Variants in PDE6C observed in about 807,000 individuals in gnomAD.
PDE6C encodes cone cGMP-specific 3',5'-cyclic phosphodiesterase subunit alpha'.
A neutral mutation model predicts 113.1 loss-of-function variants in PDE6C; 75 were observed. The observed-to-expected ratio is 0.66, with a 90% confidence interval of 0.55 to 0.80. PDE6C has a LOEUF of 0.80. PDE6C is among the 30% of genes least tolerant of loss of function. The pLI is 0.00. For synonymous variants in PDE6C, 375 were observed against 363.7 expected, an observed-to-expected ratio of 1.03 and a Z score of -0.35; for missense variants, 912 against 1,038.6, an observed-to-expected ratio of 0.88 and a Z score of 1.67.
intron 4 of PDE6C, among the ~76,000 whole-genome samples, chr10:93,623,605 G>A (rs1270812937): frequency 6.6e-6 from 1 of 152,112 alleles, no homozygotes; most frequent in Non-Finnish European, 1.5e-5. Flanking sequence ...TTACATTTAG[G>A]TGTATAATCC....
chr10:93,640,229 T>G lies in PDE6C; in HGVS notation c.1629+13T>G, dbSNP rs755360917. 11 of 1,609,010 alleles carry G rather than the reference T, an allele frequency of 6.8e-6. No individual in the cohort carries two copies. The highest frequency in any genetic ancestry group is 8.5e-6 in the Non-Finnish European group (10 of 1,175,334). ...AGTACCTGTAGAGGTCAGAGGGTAT[T>G]TAATTTAAAATACTGTGTGATTCTG... On this transcript the variant is annotated intron_variant, in intron 12 of 21. Coordinates refer to ENST00000371447, the MANE Select transcript of PDE6C (RefSeq NM_006204.4).
chr10:93,665,538 C>A lies in PDE6C; in HGVS notation c.*120C>A. On this transcript the variant is annotated 3_prime_UTR_variant, in exon 22 of 22. Transcript: ENST00000371447. ...GATCTTCAGAAAAACTACCCTGTGA[C>A]TATGAAGAAAATATATATTGCTAGC... 1.3e-6 allele frequency: 1 copy of A among 742,192 alleles called. No individual in the cohort carries two copies. The highest frequency in any genetic ancestry group is 2.4e-6 in the Non-Finnish European group (1 of 423,820). The allele number at this position is 742,192 out of a possible 1,614,324, so 46.0% of individuals were successfully genotyped here.
Position 93,641,030 on chromosome 10 carries a change from G to C in PDE6C, c.1847+1G>C. ...GCACCAATAATTTGTACCAGATGAAGTAAGTGAACACATGTCCAATGTTGA... is the reference window on the plus strand; with the variant it reads ...GCACCAATAATTTGTACCAGATGAACTAAGTGAACACATGTCCAATGTTGA... On this transcript the variant is annotated splice_donor_variant, in intron 14 of 21. Transcript: ENST00000371447. LOFTEE classifies it high-confidence loss of function. The C allele has an allele frequency of 6.5e-7, 1 of 1,542,848 alleles. No individual in the cohort carries two copies. The highest frequency in any genetic ancestry group is 9.0e-7 in the Non-Finnish European group (1 of 1,115,134).
chr10:93,643,707 T>A lies in PDE6C; in HGVS notation c.1848-2253T>A, dbSNP rs545241882. On this transcript the variant is annotated intron_variant, in intron 14 of 21. Transcript: ENST00000371447. ...TATGTGGCCAACTAATTCTTTTTTT[T>A]TTTTTTCACTAAATCATTTGTGAGT... 3.2e-3 allele frequency among the ~76,000 whole-genome samples: 479 copies of A among 152,040 alleles called. 3 individuals carry two copies. The highest frequency in any genetic ancestry group is 0.01 in the African/African-American group (434 of 41,444).
chr10:93,627,941 C>G (rs1335880433), intron 7 of PDE6C, among the ~76,000 whole-genome samples: 1 of 152,124 alleles, frequency 6.6e-6, no homozygotes, highest in Non-Finnish European at 1.5e-5. Context: ...TACCTTGGGG[C>G]CGAGAGGCAG....
chr10:93,661,877 G>T (rs1221076685), intron 18 of PDE6C, among the ~76,000 whole-genome samples, 182 bp from the exon 19 acceptor site: 1 of 152,166 alleles, frequency 6.6e-6, no homozygotes, highest in Non-Finnish European at 1.5e-5. Context: ...GGAAGAAAAA[G>T]CTCCCCTTTC....
chr10:93,636,080 T>G (rs533033601), intron 10 of PDE6C, among the ~76,000 whole-genome samples: 136 of 152,280 alleles, frequency 8.9e-4, no homozygotes, highest in African/African-American at 3.2e-3. Context: ...TTTGGTTTGC[T>G]CTATGTGTCT....
intron 1 of PDE6C, among the ~76,000 whole-genome samples, chr10:93,616,176 G>A (rs955732210): frequency 3.3e-5 from 5 of 152,180 alleles, no homozygotes; most frequent in African/African-American, 1.2e-4. Context: ...AAGTTAGGTA[G>A]ACAGGAAGTG....
At chr10:93,615,385 A>G (rs1414616438) in intron 1 of PDE6C, among the ~76,000 whole-genome samples, 7 of 152,108 alleles carry the variant, frequency 4.6e-5, no homozygotes, top group South Asian at 2.1e-4. Flanking sequence ...TTTTTATTTT[A>G]TTATTTATTT....
chr10:93,625,523 G>T, intron 4 of PDE6C, 52 bp from the exon 5 acceptor site: 2 of 1,117,670 alleles, frequency 1.8e-6, no homozygotes, highest in South Asian at 1.2e-5. Flanking sequence ...TATAAGATAT[G>T]GTAGGTCATG....
intron 11 of PDE6C, among the ~76,000 whole-genome samples, chr10:93,638,994 A>G (rs1295893864): frequency 1.3e-5 from 2 of 152,076 alleles, no homozygotes; most frequent in East Asian, 1.9e-4. Flanking sequence ...AAGGGGAGTG[A>G]CCTCCCTTTC....
In PDE6C at chr10:93,635,545, G is replaced by A. The variant is rs150787836; in HGVS notation, c.1318G>A (p.Asp440Asn). 12 of 1,612,450 alleles carry A rather than the reference G, an allele frequency of 7.4e-6. No homozygotes were observed. The highest frequency in any genetic ancestry group is 6.7e-5 in the East Asian group (3 of 44,866). The change falls in exon 10 of 22, where the codon GAT becomes AAT. Residue 440 changes from aspartate to asparagine, a missense_variant. By Grantham distance (23) the Asp-to-Asn change is conservative. Coordinates refer to ENST00000371447, the MANE Select transcript of PDE6C (RefSeq NM_006204.4). Reference protein sequence around the residue: ...GWSLLNTDTYDKMNKLENRKD... With the variant: ...GWSLLNTDTYNKMNKLENRKD... Reference sequence around the variant, plus strand: ...GTCTCTTTTAAATACTGACACCTACGATAAGATGAATAAGCTAGAAAACAG... The same window carrying A: ...GTCTCTTTTAAATACTGACACCTACAATAAGATGAATAAGCTAGAAAACAG...
chr10:93,640,464 G>T lies in PDE6C; in HGVS notation c.1644G>T (p.Trp548Cys). The T allele has an allele frequency of 3.1e-6, 5 of 1,611,880 alleles. No individual in the cohort carries two copies. Among genetic ancestry groups the T allele is most frequent in the Non-Finnish European group, 4.2e-6 (5 of 1,178,084 alleles). ...TCTTCTTTTAGGTTCTTACCAGATGGATGTACACTGTGAGGAAAGGGTACC... is the reference window on the plus strand; with the variant it reads ...TCTTCTTTTAGGTTCTTACCAGATGTATGTACACTGTGAGGAAAGGGTACC... ...FKVPVEVLTR[W>C]MYTVRKGYRA... The change falls in exon 13 of 22, where the codon TGG (tryptophan) becomes TGT (cysteine). Residue 548 changes from tryptophan (W) to cysteine (C), a missense_variant. By Grantham distance (215) the Trp-to-Cys change is radical. Transcript: ENST00000371447.
intron 1 of PDE6C, among the ~76,000 whole-genome samples, chr10:93,617,139 G>T (rs2058423732): frequency 6.6e-6 from 1 of 152,068 alleles, no homozygotes; most frequent in African/African-American, 2.4e-5. Context: ...TCTGATGAGG[G>T]ATCAGGCCTC....
intron 16 of PDE6C, among the ~76,000 whole-genome samples, chr10:93,657,325 C>T (rs2058642680): frequency 1.6e-5 from 2 of 121,556 alleles, no homozygotes; most frequent in African/African-American, 6.2e-5. Context: ...CCACGCCTGG[C>T]TAATTTTTTT....
At position 93,663,153 on chromosome 10, in the gene PDE6C, AAAGC is replaced by A. The variant is rs2058674348; in HGVS notation, c.2497_2500del (p.Gln833LysfsTer23). 6.2e-7 allele frequency: 1 copy of A among 1,613,624 alleles called. No individual in the cohort carries two copies. Among genetic ancestry groups the A allele is most frequent in the African/African-American group, 1.3e-5 (1 of 74,894 alleles). The stretch of plus-strand genomic sequence containing the variant: ...TGAAGGTCATTGAAGAGGAGGCAAA[AAAGC>A]AAGAAGGAGGAGCCGAAAAAGGTTA... On this transcript the variant is annotated frameshift_variant, in exon 21 of 22. Coordinates refer to ENST00000371447, the MANE Select transcript of PDE6C (RefSeq NM_006204.4). LOFTEE classifies it high-confidence loss of function.
chr10:93,635,932 G>A (rs905971863), intron 10 of PDE6C, among the ~76,000 whole-genome samples: 21 of 152,206 alleles, frequency 1.4e-4, no homozygotes, highest in African/African-American at 4.3e-4. Flanking sequence ...GTATCAGTCA[G>A]CTATTGTCAT....
chr10:93,629,878 G>A (rs2058491773), intron 8 of PDE6C, among the ~76,000 whole-genome samples: 2 of 152,124 alleles, frequency 1.3e-5, no homozygotes, highest in Admixed American at 6.5e-5. Context: ...TCCTCCTGCT[G>A]TACAACCTGC....
At chr10:93,624,029 G>C (rs2058460928) in intron 4 of PDE6C, among the ~76,000 whole-genome samples, 1 of 151,750 alleles carries the variant, frequency 6.6e-6, no homozygotes, top group African/African-American at 2.4e-5. Context: ...AACACTATAT[G>C]TACATAGTGT....
Sources: gnomAD v4.1 joint callset for allele counts (sites outside exome capture counted in the v4.1 genomes callset) on GRCh38, gnomAD v4.1.1 for gene constraint, MANE v1.5 for transcripts, NCBI Gene and HGNC (gene_info 2026-07-23, HGNC 2026-07-21) for gene names.